PACRG: variants seen among roughly 807,000 people sequenced by gnomAD.
PACRG encodes the protein parkin coregulated gene protein.
PACRG carries 29 observed loss-of-function variants against 29.7 expected under a neutral mutation model. The observed-to-expected ratio is 0.98, with a 90% CI of 0.73 to 1.33. The LOEUF is 1.33. PACRG is among the 40% of genes most tolerant of loss of function. The pLI is 0.00. For missense variants in PACRG, 279 were observed against 316.2 expected, an observed-to-expected ratio of 0.88 and a Z score of 0.89; for synonymous variants, 116 against 118.7, an observed-to-expected ratio of 0.98 and a Z score of 0.15.
At chr6:163,126,238 C>T (rs962171973) in intron 4 of PACRG, among the ~76,000 whole-genome samples, 2 of 152,214 alleles carry the variant, frequency 1.3e-5, no homozygotes, top group South Asian at 2.1e-4. Context: ...AATACAATGG[C>T]GTTCAATTTC....
intron 3 of PACRG, among the ~76,000 whole-genome samples, chr6:163,087,421 G>C (rs1334831792): frequency 1.4e-5 from 2 of 146,890 alleles, no homozygotes; most frequent in Admixed American, 1.4e-4. Flanking sequence ...AGACCAGGAT[G>C]AAAAGAGAGA....
chr6:163,173,857 T>C (rs1277838938), intron 4 of PACRG, among the ~76,000 whole-genome samples: 2 of 152,170 alleles, frequency 1.3e-5, no homozygotes, highest in East Asian at 1.9e-4. Flanking sequence ...GTCCTCTCCA[T>C]AGCCAAAGGC....
At chr6:163,194,665 G>A (rs1463008595) in intron 4 of PACRG, among the ~76,000 whole-genome samples, 2 of 152,194 alleles carry the variant, frequency 1.3e-5, no homozygotes, top group African/African-American at 4.8e-5. Flanking sequence ...CAGCTTTTTT[G>A]TAAGCGGTGG....
chr6:163,201,980 G>A (rs1193478399), intron 4 of PACRG, among the ~76,000 whole-genome samples: 1 of 152,218 alleles, frequency 6.6e-6, no homozygotes, highest in Non-Finnish European at 1.5e-5. Context: ...GCTTCCCAGA[G>A]GTGGGCTTAG....
intron 2 of PACRG, among the ~76,000 whole-genome samples, chr6:162,932,268 G>T (rs539883962): frequency 6.0e-4 from 92 of 152,146 alleles, no homozygotes; most frequent in African/African-American, 2.1e-3. Flanking sequence ...GAGAGGAATC[G>T]TAAAGAAGCA....
At chr6:162,749,707 A>G (rs1781373974) in intron 1 of PACRG, among the ~76,000 whole-genome samples, 1 of 151,956 alleles carries the variant, frequency 6.6e-6, no homozygotes, top group Non-Finnish European at 1.5e-5. Flanking sequence ...TTCAGTAGAG[A>G]TGGGGTTTCG....
chr6:163,152,930 T>G (rs2243708), intron 4 of PACRG, among the ~76,000 whole-genome samples: 25,362 of 151,842 alleles, frequency 0.17, 2,289 homozygotes, highest in South Asian at 0.31. Context: ...CTCCGGAGGG[T>G]AAAAGGGTTA....
At chr6:162,776,264 T>C (rs1783634319) in intron 1 of PACRG, among the ~76,000 whole-genome samples, 1 of 152,220 alleles carries the variant, frequency 6.6e-6, no homozygotes, top group Non-Finnish European at 1.5e-5. Flanking sequence ...GGAAACTTGC[T>C]TTTTACTATT....
chr6:162,783,761 G>C (rs73786104), intron 1 of PACRG, among the ~76,000 whole-genome samples: 4,794 of 152,028 alleles, frequency 0.032, 241 homozygotes, highest in African/African-American at 0.099. Context: ...TAAATTTTGA[G>C]ACCTATTGTT....
At chr6:162,809,254 G>A (rs886479334) in intron 1 of PACRG, among the ~76,000 whole-genome samples, 1 of 151,824 alleles carries the variant, frequency 6.6e-6, no homozygotes, top group African/African-American at 2.4e-5. Flanking sequence ...CGGCTTTTGA[G>A]ATGCCAAGAG....
chr6:163,145,624 A>G (rs566174294), intron 4 of PACRG, among the ~76,000 whole-genome samples: 43 of 152,356 alleles, frequency 2.8e-4, no homozygotes, highest in Admixed American at 7.2e-4. Flanking sequence ...AAGGCTGGCC[A>G]TGCTGCTGAA....
intron 2 of PACRG, among the ~76,000 whole-genome samples, chr6:162,856,499 A>G (rs951859937): frequency 6.6e-6 from 1 of 152,174 alleles, no homozygotes. Flanking sequence ...GGAGATGATC[A>G]GAGAATCATC....
At chr6:163,002,637 T>C (rs1804693877) in intron 2 of PACRG, among the ~76,000 whole-genome samples, 1 of 152,182 alleles carries the variant, frequency 6.6e-6, no homozygotes, top group Non-Finnish European at 1.5e-5. Flanking sequence ...ATGAAAGAAA[T>C]GTCTTCACGT....
At position 163,285,602 on chromosome 6, in the gene PACRG, A is replaced by G. The variant is rs572209024; in HGVS notation, c.614-29225A>G. Among the ~76,000 whole-genome samples, 3 of 152,274 alleles carry G rather than the reference A, an allele frequency of 2.0e-5. No individual in the cohort carries two copies. The East Asian group carries it at 5.8e-4, about 29-fold the overall frequency. Reference sequence around the variant, plus strand: ...CCCGGAGATATTTGCCAGAGAAGCAATTAGGAAAATGGCCCAGCCCAGAGA... The same window carrying G: ...CCCGGAGATATTTGCCAGAGAAGCAGTTAGGAAAATGGCCCAGCCCAGAGA... On this transcript the variant is annotated intron_variant, in intron 4 of 4. Transcript: ENST00000366888.
intron 2 of PACRG, among the ~76,000 whole-genome samples, chr6:162,878,761 G>A (rs1217760161): frequency 6.6e-6 from 1 of 152,162 alleles, no homozygotes; most frequent in Admixed American, 6.5e-5. Flanking sequence ...TCCCCAATAT[G>A]TTGTTTCTAG....
At chr6:163,274,603 C>T (rs894255702) in intron 4 of PACRG, among the ~76,000 whole-genome samples, 10 of 152,192 alleles carry the variant, frequency 6.6e-5, no homozygotes. Context: ...TGAGGAATCA[C>T]CACACTGTCT....
chr6:163,191,789 T>C (rs1317256483), intron 4 of PACRG: 1 of 456,284 alleles, frequency 2.2e-6, no homozygotes, highest in Non-Finnish European at 4.4e-6. Context: ...TCCTCTCATC[T>C]TCCATTTCCA....
intron 2 of PACRG, among the ~76,000 whole-genome samples, chr6:162,845,381 A>AT (rs199737953): frequency 4.3e-4 from 65 of 149,724 alleles, no homozygotes; most frequent in Middle Eastern, 3.5e-3. Flanking sequence ...AGTATCATCA[A>AT]TTTTTTTTTC....
chr6:163,026,353 T>A (rs919013918), intron 2 of PACRG, among the ~76,000 whole-genome samples: 1 of 152,230 alleles, frequency 6.6e-6, no homozygotes, highest in African/African-American at 2.4e-5. Context: ...TTCCCAAAAA[T>A]TATTTTGGTG....
Sources: gnomAD v4.1 joint callset for allele counts (sites outside exome capture counted in the v4.1 genomes callset) on GRCh38, gnomAD v4.1.1 for gene constraint, MANE v1.5 for transcripts, NCBI Gene and HGNC (gene_info 2026-07-23, HGNC 2026-07-21) for gene names.